The following PCDHGB1 variants were observed in gnomAD, a reference collection of about 807,000 sequenced individuals.
PCDHGB1 encodes protocadherin gamma subfamily B, 1.
Under a neutral mutation model 56.6 loss-of-function variants are expected in PCDHGB1, and 34 were observed. That is an observed-to-expected ratio of 0.60 (90% CI 0.46 to 0.80). The LOEUF is 0.80. PCDHGB1 is among the 30% of genes least tolerant of loss of function. PCDHGB1 has a pLI of 0.00. For missense variants in PCDHGB1, 1,278 were observed against 1,204.6 expected, an observed-to-expected ratio of 1.06 and a Z score of -0.90; for synonymous variants, 561 against 505.9, an observed-to-expected ratio of 1.11 and a Z score of -1.46.
chr5:141,414,559 T>C (rs1330713312), intron 1 of PCDHGB1: 2 of 1,613,782 alleles, frequency 1.2e-6, no homozygotes, highest in Non-Finnish European at 1.7e-6. Flanking sequence ...AGTCTCCTAC[T>C]TTACCTATAT....
At chr5:141,394,801 C>A in intron 1 of PCDHGB1, 2 of 1,613,838 alleles carry the variant, frequency 1.2e-6, no homozygotes, top group Non-Finnish European at 1.7e-6. Flanking sequence ...CTCACCGTAG[C>A]CGTGGCTGAC....
intron 1 of PCDHGB1, among the ~76,000 whole-genome samples, chr5:141,445,923 T>C (rs1169404585): frequency 6.6e-6 from 1 of 152,200 alleles, no homozygotes; most frequent in Non-Finnish European, 1.5e-5. Context: ...AGTGACAAGA[T>C]ATTTGAATTA....
intron 1 of PCDHGB1, chr5:141,365,549 A>G (rs1763986564): frequency 2.5e-6 from 4 of 1,613,678 alleles, no homozygotes; most frequent in Non-Finnish European, 3.4e-6. Flanking sequence ...CCTATTAACA[A>G]CTAGGGACCT....
intron 1 of PCDHGB1, chr5:141,415,466 C>T (rs1187128064): frequency 6.2e-7 from 1 of 1,614,224 alleles, no homozygotes. Flanking sequence ...GTCTCTCTCA[C>T]CGCGGACTCG....
At chr5:141,392,819 C>A (rs1346235587) in intron 1 of PCDHGB1, 7 of 1,590,376 alleles carry the variant, frequency 4.4e-6, no homozygotes, top group Non-Finnish European at 6.0e-6. Context: ...CAACAATGGC[C>A]GCTCCACAGA....
Position 141,511,159 on chromosome 5 carries a change from AAGG to A in PCDHGB1, c.2773_2775del (p.Glu925del), listed in dbSNP as rs1477173987. 3 of 1,614,186 alleles carry A rather than the reference AAGG, an allele frequency of 1.9e-6. No individual in the cohort carries two copies. The highest frequency in any genetic ancestry group is 2.2e-5 in the East Asian group (1 of 44,872). On this transcript the variant is annotated inframe_deletion, in exon 4 of 4. Coordinates refer to ENST00000523390, the MANE Select transcript of PCDHGB1 (RefSeq NM_018922.3). ...TGGCAACAAGAAGAAGTCGGGCAAG[AAGG>A]AGAAGAAGTAACATGGAGGCCAGGC... is the stretch of plus-strand genomic sequence containing the variant.
chr5:141,355,640 A>C (rs373212603), intron 1 of PCDHGB1: 24 of 1,613,870 alleles, frequency 1.5e-5, no homozygotes, highest in Non-Finnish European at 2.0e-5. Flanking sequence ...GAAAATGAAA[A>C]TCCTGGGGCA....
intron 3 of PCDHGB1, among the ~76,000 whole-genome samples, chr5:141,509,880 T>C (rs1475661741): frequency 6.6e-6 from 1 of 152,184 alleles, no homozygotes; most frequent in African/African-American, 2.4e-5. Flanking sequence ...CTGGTGGTGA[T>C]GGTGACTGAC....
chr5:141,374,477 C>A lies in PCDHGB1; in HGVS notation c.2409+21808C>A, dbSNP rs376389009. 3 of 1,611,808 alleles carry A rather than the reference C, an allele frequency of 1.9e-6. No individual in the cohort carries two copies. In the East Asian group the frequency reaches 6.7e-5, roughly 36 times the overall value. ...AGTGGACATTAATGACAATACACCC[C>A]GATTCTTAAAGGAAGAATTGGAAGT... On this transcript the variant is annotated intron_variant, in intron 1 of 3. Transcript: ENST00000523390.
chr5:141,494,751 G>C (rs2099756509), intron 1 of PCDHGB1, 56 bp from the exon 2 acceptor site: 2 of 1,613,426 alleles, frequency 1.2e-6, no homozygotes, highest in African/African-American at 1.3e-5. Flanking sequence ...AGGGGCTCGG[G>C]TGACATTCTA....
At chr5:141,413,806 A>G (rs775797735) in intron 1 of PCDHGB1, 1 of 1,613,168 alleles carries the variant, frequency 6.2e-7, no homozygotes, top group Non-Finnish European at 8.5e-7. Context: ...GGAAGAGGCC[A>G]TTCACCACCT....
At chr5:141,383,657 A>G in intron 1 of PCDHGB1, 2 of 1,614,058 alleles carry the variant, frequency 1.2e-6, no homozygotes, top group Non-Finnish European at 1.7e-6. Context: ...ACTGTCCCCG[A>G]GAATGTGCCA....
intron 1 of PCDHGB1, among the ~76,000 whole-genome samples, chr5:141,354,580 G>A (rs572797488): frequency 3.9e-4 from 60 of 152,314 alleles, no homozygotes; most frequent in Non-Finnish European, 8.2e-4. Flanking sequence ...TGCATAAATT[G>A]GGACTAAAGC....
At chr5:141,390,596 C>T (rs2092187528) in intron 1 of PCDHGB1, 1 of 329,834 alleles carries the variant, frequency 3.0e-6, no homozygotes. Context: ...GAGATTTTTC[C>T]TATACATTTT....
chr5:141,375,000 A>G (rs1771022536), intron 1 of PCDHGB1: 3 of 1,614,046 alleles, frequency 1.9e-6, no homozygotes, highest in Non-Finnish European at 8.5e-7. Context: ...ACTTCTGCAA[A>G]TCTAGACTAT....
At position 141,477,368 on chromosome 5, in the gene PCDHGB1, G is replaced by A; in HGVS notation, c.2410-17439G>A. Reference sequence around the variant, plus strand: ...GAAAACCAGTGCAGACCTGGATCGGGAGACTGTGCCAGAATACAACCTCAG... The same window carrying A: ...GAAAACCAGTGCAGACCTGGATCGGAAGACTGTGCCAGAATACAACCTCAG... On this transcript the variant is annotated intron_variant, in intron 1 of 3. Coordinates refer to ENST00000523390, the MANE Select transcript of PCDHGB1 (RefSeq NM_018922.3). The surrounding 1 kb of genome is among the most constrained non-coding windows in gnomAD (Gnocchi z 4.9). 6.2e-7 allele frequency: 1 copy of A among 1,614,132 alleles called. No individual in the cohort carries two copies. Among genetic ancestry groups the A allele is most frequent in the Non-Finnish European group, 8.5e-7 (1 of 1,180,024 alleles).
chr5:141,376,204 C>A lies in PCDHGB1; in HGVS notation c.2409+23535C>A, dbSNP rs185484474. 2.5e-6 allele frequency: 4 copies of A among 1,614,198 alleles called. No individual in the cohort carries two copies. In the African/African-American group the frequency reaches 5.3e-5, roughly 22 times the overall value. On this transcript the variant is annotated intron_variant, in intron 1 of 3. Coordinates refer to ENST00000523390, the MANE Select transcript of PCDHGB1 (RefSeq NM_018922.3). The stretch of plus-strand genomic sequence containing the variant: ...CGGTCTCCTGCGTCTTCCTGGCCTT[C>A]GTCATCGTGCTGCTGGCGCTCAGAC...
At chr5:141,381,761 A>G (rs1777413345) in intron 1 of PCDHGB1, among the ~76,000 whole-genome samples, 1 of 150,538 alleles carries the variant, frequency 6.6e-6, no homozygotes, top group Non-Finnish European at 1.5e-5. Flanking sequence ...TTCTACTACT[A>G]TATAATCAAT....
rs1561964279 is a variant in PCDHGB1 at position 141,456,201 on chromosome 5, A to G, written c.2410-38606A>G. 2.0e-5 allele frequency among the ~76,000 whole-genome samples: 3 copies of G among 152,228 alleles called. No homozygotes were observed. The South Asian group carries it at 6.2e-4, about 32-fold the overall frequency. On this transcript the variant is annotated intron_variant, in intron 1 of 3. Coordinates refer to ENST00000523390, the MANE Select transcript of PCDHGB1 (RefSeq NM_018922.3). ...ATAATTTCTTAATAACTCCTACCAC[A>G]TTCCTCCCTGTGGCGATATCAAACT...
Sources: gnomAD v4.1 joint callset for allele counts (sites outside exome capture counted in the v4.1 genomes callset) on GRCh38, gnomAD v4.1.1 for gene constraint, Gnocchi (gnomAD v3.1) non-coding constraint, MANE v1.5 for transcripts, NCBI Gene and HGNC (gene_info 2026-07-23, HGNC 2026-07-21) for gene names.